Variants in PRAG1 observed in about 807,000 individuals in gnomAD.
PRAG1 encodes PEAK1 related, kinase-activating pseudokinase 1.
In PRAG1, 110 loss-of-function variants were observed where a neutral mutation model predicts 95.6. That is an observed-to-expected ratio of 1.15 (90% confidence interval 0.99 to 1.35). The LOEUF is 1.35. Ranked by LOEUF, PRAG1 falls within the 40% of genes most tolerant of loss-of-function variation. The pLI is 0.00. For synonymous variants in PRAG1, 1,052 were observed against 819.4 expected, an observed-to-expected ratio of 1.28 and a Z score of -4.85; for missense variants, 2,554 against 1,864.7, an observed-to-expected ratio of 1.37 and a Z score of -6.81.
chr8:8,380,147 T>C (rs1800583761), intron 2 of PRAG1, among the ~76,000 whole-genome samples: 1 of 152,040 alleles, frequency 6.6e-6, no homozygotes, highest in Non-Finnish European at 1.5e-5. Context: ...TGGTGGCATG[T>C]ACCTCTAGTC....
chr8:8,385,914 G>A (rs1033987960), intron 1 of PRAG1, among the ~76,000 whole-genome samples: 7 of 152,006 alleles, frequency 4.6e-5, no homozygotes, highest in Admixed American at 3.9e-4. Context: ...CCAGCAGCCA[G>A]GCGGCCTTCC....
At chr8:8,346,404 T>C (rs933794150) in intron 3 of PRAG1, among the ~76,000 whole-genome samples, 2 of 152,234 alleles carry the variant, frequency 1.3e-5, no homozygotes, top group Non-Finnish European at 2.9e-5. Context: ...GTTGATTACA[T>C]ACAGTCCAGG....
chr8:8,318,706 C>G lies in PRAG1; in HGVS notation c.3669G>C (p.Lys1223Asn), dbSNP rs540274081. The G allele has an allele frequency of 6.2e-7, 1 of 1,610,192 alleles. No individual in the cohort carries two copies. Among genetic ancestry groups the G allele is most frequent in the South Asian group, 1.1e-5 (1 of 91,016 alleles). ...GCTGCAGGTTTGGGGTGCCGCCCGG[C>G]TTCTGCTTGGCCTTCAAAAAGTTGC... is the stretch of plus-strand genomic sequence containing the variant. ...IISNFLKAKQ[K>N]PGGTPNLQQK... The change falls in exon 6 of 6, where the codon AAG becomes AAC. Residue 1223 changes from lysine to asparagine, a missense_variant. Coordinates refer to ENST00000615670, the MANE Select transcript of PRAG1 (RefSeq NM_001080826.3). The surrounding 1 kb of genome is among the most constrained non-coding windows in gnomAD (Gnocchi z 4.2).
intron 4 of PRAG1, among the ~76,000 whole-genome samples, chr8:8,338,623 A>C (rs947848321): frequency 1.3e-5 from 2 of 152,216 alleles, no homozygotes; most frequent in South Asian, 4.1e-4. Flanking sequence ...TCATCAGAAC[A>C]CACCACAGAC....
chr8:8,369,639 G>C (rs964694371), intron 3 of PRAG1, among the ~76,000 whole-genome samples: 2 of 151,742 alleles, frequency 1.3e-5, no homozygotes, highest in African/African-American at 2.4e-5. Context: ...AGGAATTGCA[G>C]ATGGTTAAGC....
chr8:8,367,907 C>G (rs536576126), intron 3 of PRAG1, among the ~76,000 whole-genome samples: 1 of 152,290 alleles, frequency 6.6e-6, no homozygotes, highest in South Asian at 2.1e-4. Flanking sequence ...TCCCAAAATG[C>G]TGGGATTACA....
At chr8:8,353,926 A>C (rs1476780397) in intron 3 of PRAG1, among the ~76,000 whole-genome samples, 1 of 152,062 alleles carries the variant, frequency 6.6e-6, no homozygotes, top group African/African-American at 2.4e-5. Flanking sequence ...GAAATAATAA[A>C]GATTAGAACA....
chr8:8,319,033 C>T lies in PRAG1; in HGVS notation c.3342G>A (p.Glu1114=). The change falls in exon 6 of 6, where the codon GAG becomes GAA. Residue 1114 remains glutamate, a synonymous_variant. Transcript: ENST00000615670. ...VRDSAASHQA[E]PEAYERRVCF... is the part of the protein sequence containing the mutation. ...ACACGCGCCGCTCGTACGCCTCGGG[C>T]TCCGCCTGGTGGCTGGCCGCCGAGT... 6.2e-7 allele frequency: 1 copy of T among 1,613,262 alleles called. No individual in the cohort carries two copies. Among genetic ancestry groups the T allele is most frequent in the South Asian group, 1.1e-5 (1 of 91,072 alleles).
chr8:8,365,485 A>G (rs780291548), intron 3 of PRAG1, among the ~76,000 whole-genome samples: 2 of 151,892 alleles, frequency 1.3e-5, no homozygotes, highest in Non-Finnish European at 2.9e-5. Flanking sequence ...TTAGCCCGGC[A>G]TGGTGGCAGG....
chr8:8,384,699 G>A (rs1244222649), intron 1 of PRAG1, among the ~76,000 whole-genome samples: 1 of 150,396 alleles, frequency 6.6e-6, no homozygotes, highest in Non-Finnish European at 1.5e-5. Flanking sequence ...AAGATGGTGA[G>A]AAACACAAGT....
intron 3 of PRAG1, among the ~76,000 whole-genome samples, chr8:8,346,336 C>T (rs1475421155): frequency 3.3e-5 from 5 of 152,202 alleles, no homozygotes; most frequent in African/African-American, 4.8e-5. Context: ...TCTTCACTCA[C>T]GTAGTGTGAT....
In PRAG1 at chr8:8,318,095, G is replaced by A; in HGVS notation, c.*59C>T. 1 of 1,516,824 alleles carries A rather than the reference G, an allele frequency of 6.6e-7. No homozygotes were observed. Among genetic ancestry groups the A allele is most frequent in the African/African-American group, 1.4e-5 (1 of 72,110 alleles). 94.0% of individuals were successfully genotyped at this position (1,516,824 alleles called of 1,614,324 possible). ...CCAGGGAGACATGGGTGCTTCCAAG[G>A]CGAGACAGGAAAGGGTTAGGCAGGG... is the stretch of plus-strand genomic sequence containing the variant. On this transcript the variant is annotated 3_prime_UTR_variant, in exon 6 of 6. Transcript: ENST00000615670. The surrounding 1 kb of genome is among the most constrained non-coding windows in gnomAD (Gnocchi z 4.2).
At chr8:8,360,623 G>A (rs972353927) in intron 3 of PRAG1, among the ~76,000 whole-genome samples, 2 of 152,114 alleles carry the variant, frequency 1.3e-5, no homozygotes, top group Middle Eastern at 3.2e-3. Flanking sequence ...TAACTTCTTA[G>A]CAATGTCTGG....
intron 3 of PRAG1, among the ~76,000 whole-genome samples, chr8:8,342,034 G>C (rs897460288): frequency 6.6e-6 from 1 of 151,996 alleles, no homozygotes; most frequent in African/African-American, 2.4e-5. Flanking sequence ...GGGAGACTGA[G>C]GCAGTAGAAT....
intron 5 of PRAG1, among the ~76,000 whole-genome samples, chr8:8,324,313 G>C (rs1268104893): frequency 1.3e-5 from 2 of 152,248 alleles, no homozygotes; most frequent in African/African-American, 4.8e-5. Flanking sequence ...TCAGGCTGCT[G>C]ACATTTTGCA....
intron 2 of PRAG1, among the ~76,000 whole-genome samples, chr8:8,379,993 C>A (rs889487739): frequency 1.3e-5 from 2 of 152,132 alleles, no homozygotes; most frequent in Non-Finnish European, 2.9e-5. Flanking sequence ...ATAATCCCAG[C>A]ACTATGGGAG....
intron 5 of PRAG1, 106 bp downstream of exon 5, chr8:8,327,604 C>T: frequency 1.6e-6 from 2 of 1,267,026 alleles, no homozygotes; most frequent in Non-Finnish European, 2.2e-6. Flanking sequence ...GAATCAACTC[C>T]CCTCCTAATG....
chr8:8,377,133 G>T lies in PRAG1; in HGVS notation c.1276C>A (p.Pro426Thr), dbSNP rs1244562524. 6.2e-7 allele frequency: 1 copy of T among 1,612,716 alleles called. No individual in the cohort carries two copies. Among genetic ancestry groups the T allele is most frequent in the South Asian group, 1.1e-5 (1 of 91,084 alleles). Residue 426 changes from proline (P) to threonine (T), a missense_variant, in exon 3 of 6, where the codon CCT (proline) becomes ACT (threonine). Physicochemically the swap from Pro to Thr is conservative, Grantham distance 38. Coordinates refer to ENST00000615670, the MANE Select transcript of PRAG1 (RefSeq NM_001080826.3). ...TCTATCTTGGCCTGTGACTTGGAAGGCACCGGAGCTGCCTTCTTCCTCTTG... is the reference window on the plus strand; with the variant it reads ...TCTATCTTGGCCTGTGACTTGGAAGTCACCGGAGCTGCCTTCTTCCTCTTG... ...STKRKKAAPV[P>T]SKSQAKIEHA...
intron 3 of PRAG1, among the ~76,000 whole-genome samples, chr8:8,352,454 A>G (rs28756907): frequency 0.17 from 25,565 of 152,122 alleles, 2,551 homozygotes; most frequent in African/African-American, 0.27. Flanking sequence ...ACTACCTCTC[A>G]GGGCTCCCTG....
Sources: gnomAD v4.1 joint callset for allele counts (sites outside exome capture counted in the v4.1 genomes callset) on GRCh38, gnomAD v4.1.1 for gene constraint, Gnocchi (gnomAD v3.1) non-coding constraint, MANE v1.5 for transcripts, NCBI Gene and HGNC (gene_info 2026-07-23, HGNC 2026-07-21) for gene names.